The following SRPK2 variants were observed in gnomAD, a reference collection of about 807,000 sequenced individuals.
SRPK2 encodes SFRS protein kinase 2.
SRPK2 carries 21 observed loss-of-function variants against 90.8 expected under a neutral mutation model. That is an observed-to-expected ratio of 0.23 (90% CI 0.16 to 0.33). The LOEUF is 0.33. Among genes scored for constraint, SRPK2 ranks in the 10% least tolerant of loss-of-function variants. SRPK2 has a pLI of 1.00. For synonymous variants in SRPK2, 288 were observed against 311.1 expected (o/e 0.93, Z 0.78); for missense variants, 620 against 869.0 (o/e 0.71, Z 3.60).
intron 2 of SRPK2, among the ~76,000 whole-genome samples, chr7:105,303,760 T>A (rs1289468453): frequency 1.3e-5 from 2 of 152,124 alleles, no homozygotes; most frequent in African/African-American, 4.8e-5. Flanking sequence ...TAAAATGATG[T>A]CAAAGTAATA....
intron 2 of SRPK2, among the ~76,000 whole-genome samples, chr7:105,286,872 C>A (rs1161170929): frequency 1.3e-5 from 2 of 152,192 alleles, no homozygotes; most frequent in Non-Finnish European, 2.9e-5. Flanking sequence ...GAGAATCACA[C>A]AAAGATGTTT....
chr7:105,201,629 C>G (rs1205006089), intron 3 of SRPK2, among the ~76,000 whole-genome samples: 2 of 76,430 alleles, frequency 2.6e-5, no homozygotes, highest in African/African-American at 8.5e-5. Flanking sequence ...CCTGTCGCTA[C>G]CAGAAGAAAA....
At chr7:105,253,003 A>G (rs905516474) in intron 2 of SRPK2, among the ~76,000 whole-genome samples, 1 of 152,308 alleles carries the variant, frequency 6.6e-6, no homozygotes, top group Admixed American at 6.5e-5. Flanking sequence ...TCAGCCTCCC[A>G]AAGTCCTGGG....
At chr7:105,349,162 GGGGGAGGGGAGGGGAGGGGA>G (rs963811075) in intron 2 of SRPK2, among the ~76,000 whole-genome samples, 1 of 147,682 alleles carries the variant, frequency 6.8e-6, no homozygotes, top group African/African-American at 2.5e-5. Flanking sequence ...GAAAGAAAGA[GGGGGAGGGGAGGGGAGGGGA>G]GGGGATGGAG....
intron 2 of SRPK2, among the ~76,000 whole-genome samples, chr7:105,335,027 CAG>C (rs1398616219): frequency 1.1e-4 from 17 of 151,382 alleles, no homozygotes; most frequent in Non-Finnish European, 1.9e-4. Context: ...AAAAATTAGC[CAG>C]GTGTGGTGGC....
intron 2 of SRPK2, among the ~76,000 whole-genome samples, chr7:105,221,472 G>A (rs1274997069): frequency 6.6e-6 from 1 of 152,138 alleles, no homozygotes; most frequent in African/African-American, 2.4e-5. Flanking sequence ...CTGATGATCT[G>A]GTTTACGAAA....
At chr7:105,360,865 A>G (rs1373519332) in intron 2 of SRPK2, among the ~76,000 whole-genome samples, 1 of 152,292 alleles carries the variant, frequency 6.6e-6, no homozygotes, top group East Asian at 1.9e-4. Flanking sequence ...CCCACAGCCA[A>G]TATCATACTG....
chr7:105,291,215 T>G (rs910690627), intron 2 of SRPK2, among the ~76,000 whole-genome samples: 1 of 152,188 alleles, frequency 6.6e-6, no homozygotes, highest in Non-Finnish European at 1.5e-5. Context: ...GGCAGGGGCC[T>G]GTTCCCAGAG....
intron 2 of SRPK2, among the ~76,000 whole-genome samples, chr7:105,247,529 TAAACACAC>T (rs1478816052): frequency 4.3e-5 from 2 of 46,196 alleles, no homozygotes; most frequent in Non-Finnish European, 2.2e-4. Flanking sequence ...CACACACACA[TAAACACAC>T]ACACACACAC....
At chr7:105,160,654 G>T (rs369470653) in intron 6 of SRPK2, 41 bp from the exon 7 acceptor site, 1 of 1,166,064 alleles carries the variant, frequency 8.6e-7, no homozygotes, top group Non-Finnish European at 1.3e-6. Flanking sequence ...GCACTGCCTG[G>T]AGTGAGGCAG....
At chr7:105,291,495 G>A (rs966614402) in intron 2 of SRPK2, among the ~76,000 whole-genome samples, 1 of 152,162 alleles carries the variant, frequency 6.6e-6, no homozygotes, top group Non-Finnish European at 1.5e-5. Flanking sequence ...TTGTGAGGCC[G>A]AGGCAGGTGG....
chr7:105,155,673 C>G lies in SRPK2; in HGVS notation c.621+4834G>C, dbSNP rs145862482. ...GACCAAATGTGAGCTGAAGGCATTTCAAGAAGGGAAGGCATCCTCTTAATT... is the reference window on the plus strand; with the variant it reads ...GACCAAATGTGAGCTGAAGGCATTTGAAGAAGGGAAGGCATCCTCTTAATT... On this transcript the variant is annotated intron_variant, in intron 7 of 15. Coordinates refer to ENST00000393651, the MANE Select transcript of SRPK2 (RefSeq NM_182692.3). 9.4e-4 allele frequency among the ~76,000 whole-genome samples: 143 copies of G among 152,262 alleles called. 1 individual carries two copies. Among genetic ancestry groups the G allele is most frequent in the African/African-American group, 3.3e-3 (139 of 41,554 alleles).
intron 2 of SRPK2, among the ~76,000 whole-genome samples, chr7:105,259,691 T>C (rs140701844): frequency 3.0e-4 from 46 of 152,230 alleles, no homozygotes; most frequent in African/African-American, 1.0e-3. Context: ...AACTGAGATA[T>C]AGACCAATGG....
Position 105,277,162 on chromosome 7 carries a change from C to T in SRPK2, c.72-73377G>A, listed in dbSNP as rs367723434. Among the ~76,000 whole-genome samples the T allele has an allele frequency of 1.8e-3, 273 of 152,138 alleles. 2 individuals carry two copies. The highest frequency in any genetic ancestry group is 6.1e-3 in the African/African-American group (255 of 41,492). On this transcript the variant is annotated intron_variant, in intron 2 of 15. Transcript: ENST00000393651. ...CGTGATCTCCGCTCACTGCAAGCTC[C>T]GCCTCCCGGGTTCACACCAGTCTCC... is the stretch of plus-strand genomic sequence containing the variant.
At position 105,132,841 on chromosome 7, in the gene SRPK2, T is replaced by G. The variant is rs1216746880; in HGVS notation, c.1702A>C (p.Ile568Leu). Residue 568 changes from isoleucine (I) to leucine (L), a missense_variant, in exon 13 of 16, where the codon ATA (isoleucine) becomes CTA (leucine). By Grantham distance (5) the Ile-to-Leu change is conservative (BLOSUM62 2). Around this residue, in one of 8 missense-constraint regions of SRPK2, gnomAD observed 25 missense variants for 21.4 expected, o/e 1.17. Transcript: ENST00000393651. ...GCAGGGGTGCTGTACCCCGCTCCTA[T>G]TAAAACCTCTATGGAGCGGTACTGA... is the stretch of plus-strand genomic sequence containing the variant. ...TRQYRSIEVL[I>L]GAGYSTPADI... 6.2e-7 allele frequency: 1 copy of G among 1,611,040 alleles called. No individual in the cohort carries two copies.
chr7:105,295,562 G>C (rs1176263814), intron 2 of SRPK2, among the ~76,000 whole-genome samples: 1 of 152,108 alleles, frequency 6.6e-6, no homozygotes, highest in Admixed American at 6.6e-5. Context: ...ATGTGGTAGC[G>C]AGAATAAGCA....
intron 3 of SRPK2, among the ~76,000 whole-genome samples, chr7:105,187,021 G>T (rs1326417817): frequency 6.6e-6 from 1 of 152,220 alleles, no homozygotes; most frequent in Non-Finnish European, 1.5e-5. Context: ...TGAGGCCCCA[G>T]ATACCGTGAA....
rs561681752 is a variant in SRPK2 at position 105,388,886 on chromosome 7, C to A, written c.-80G>T. On this transcript the variant is annotated 5_prime_UTR_variant, in exon 1 of 16. Coordinates refer to ENST00000393651, the MANE Select transcript of SRPK2 (RefSeq NM_182692.3). The stretch of plus-strand genomic sequence containing the variant: ...GACGAGCTGGGCTGCAGCCTCCACT[C>A]GCTCCGCCGGCCGGGAGGAGACGAG... The A allele has an allele frequency of 2.7e-4, 335 of 1,245,158 alleles. No individual in the cohort carries two copies. Among genetic ancestry groups the A allele is most frequent in the Middle Eastern group, 3.1e-4 (1 of 3,208 alleles). The allele number at this position is 1,245,158 out of a possible 1,614,324, so 77.1% of individuals were successfully genotyped here. A position where few individuals can be genotyped will look rare whatever the true frequency, so the allele number is the denominator to read the frequency against.
rs535604684 is a variant in SRPK2, at chr7:105,229,588, T to G, written c.72-25803A>C. Among the ~76,000 whole-genome samples the G allele has an allele frequency of 9.8e-5, 15 of 152,306 alleles. No individual in the cohort carries two copies. The South Asian group carries it at 3.1e-3, about 32-fold the overall frequency. ...TGGAGGAGGTATCTCTCCCTCTCCT[T>G]CCGCAGTGCCCACAACAGATGAAGG... On this transcript the variant is annotated intron_variant, in intron 2 of 15. Transcript: ENST00000393651.
Sources: gnomAD v4.1 joint callset for allele counts (sites outside exome capture counted in the v4.1 genomes callset) on GRCh38, gnomAD v4.1.1 for gene constraint, gnomAD v4.1.1 regional missense constraint, MANE v1.5 for transcripts, NCBI Gene and HGNC (gene_info 2026-07-23, HGNC 2026-07-21) for gene names.